Variants in FTO observed in about 807,000 individuals in gnomAD.
The protein encoded by FTO is alpha-ketoglutarate-dependent dioxygenase FTO.
FTO carries 47 observed loss-of-function variants against 63.9 expected under a neutral mutation model. That is an observed-to-expected ratio of 0.74 (90% CI 0.58 to 0.94). FTO has a LOEUF of 0.94. Among genes scored for constraint, FTO ranks in the 40% least tolerant of loss-of-function variants. The pLI, the probability that FTO is intolerant of heterozygous loss-of-function variation, is 0.00. For synonymous variants in FTO, 207 were observed against 224.4 expected (o/e 0.92, Z 0.69); for missense variants, 562 against 618.1 (o/e 0.91, Z 0.96).
intron 8 of FTO, among the ~76,000 whole-genome samples, chr16:54,099,788 C>T (rs1414778719): frequency 6.6e-6 from 1 of 152,168 alleles, no homozygotes; most frequent in African/African-American, 2.4e-5. Flanking sequence ...AGGGGGAGGA[C>T]TTCAGGAGAC....
At chr16:53,829,947 C>T (rs1203252931) in intron 3 of FTO, among the ~76,000 whole-genome samples, 1 of 151,446 alleles carries the variant, frequency 6.6e-6, no homozygotes, top group Non-Finnish European at 1.5e-5. Context: ...TGTTCCTTGC[C>T]ACTGGAGAGG....
Position 53,742,317 on chromosome 16 carries a change from G to A in FTO, c.45+38088G>A, listed in dbSNP as rs945299111. Among the ~76,000 whole-genome samples the A allele has an allele frequency of 2.0e-5, 3 of 152,126 alleles. No individual in the cohort carries two copies. The East Asian group carries it at 5.8e-4, about 29-fold the overall frequency. On this transcript the variant is annotated intron_variant, in intron 1 of 8. Coordinates refer to ENST00000471389, the MANE Select transcript of FTO (RefSeq NM_001080432.3). ...ACCAGCCCTTCCAGTTTTTCAATTA[G>A]AACTATGCCATATGGCCACCCCTAG...
intron 2 of FTO, among the ~76,000 whole-genome samples, chr16:53,824,845 A>G (rs138126295): frequency 1.3e-5 from 2 of 152,356 alleles, no homozygotes; most frequent in East Asian, 3.9e-4. Context: ...TGATTTGGTT[A>G]CAAATAAATC....
At chr16:53,866,195 A>G (rs75080727) in intron 4 of FTO, among the ~76,000 whole-genome samples, 2,111 of 152,180 alleles carry the variant, frequency 0.014, 47 homozygotes, top group African/African-American at 0.047. Context: ...GATAGATTAT[A>G]TTAGTTGATT....
At chr16:53,785,783 G>T (rs921942507) in intron 1 of FTO, among the ~76,000 whole-genome samples, 1 of 151,946 alleles carries the variant, frequency 6.6e-6, no homozygotes, top group East Asian at 1.9e-4. Flanking sequence ...GGTGACATGC[G>T]CCTGTAGTCC....
intron 2 of FTO, among the ~76,000 whole-genome samples, chr16:53,817,698 A>G (rs2078735811): frequency 6.6e-6 from 1 of 152,190 alleles, no homozygotes; most frequent in African/African-American, 2.4e-5. Context: ...GAAATCTTTC[A>G]GAAGCATCTC....
intron 7 of FTO, among the ~76,000 whole-genome samples, chr16:53,908,076 C>T (rs1220396716): frequency 2.0e-5 from 3 of 152,148 alleles, no homozygotes; most frequent in Non-Finnish European, 4.4e-5. Flanking sequence ...TATTAACCAT[C>T]CCTTGACAAA....
intron 8 of FTO, among the ~76,000 whole-genome samples, chr16:53,952,508 AT>A (rs1490749851): frequency 1.3e-5 from 2 of 152,188 alleles, no homozygotes; most frequent in Non-Finnish European, 2.9e-5. Context: ...AGCAAAAAAA[AT>A]CTTTGGCAAC....
chr16:53,704,726 G>T (rs1376522726), intron 1 of FTO, among the ~76,000 whole-genome samples: 1 of 152,184 alleles, frequency 6.6e-6, no homozygotes, highest in African/African-American at 2.4e-5. Context: ...CTCTACCTTT[G>T]ATGTTCAGCT....
chr16:53,822,210 A>G (rs2078883741), intron 2 of FTO, among the ~76,000 whole-genome samples: 1 of 152,226 alleles, frequency 6.6e-6, no homozygotes, highest in African/African-American at 2.4e-5. Context: ...TCATTGAGAA[A>G]GTCAGAGCAT....
At chr16:53,944,316 G>A (rs1176240987) in intron 8 of FTO, among the ~76,000 whole-genome samples, 4 of 152,298 alleles carry the variant, frequency 2.6e-5, no homozygotes, top group Non-Finnish European at 5.9e-5. Context: ...CTCCTTAAGT[G>A]TTCTCATAAG....
At chr16:53,707,849 A>G (rs1177524543) in intron 1 of FTO, among the ~76,000 whole-genome samples, 1 of 152,236 alleles carries the variant, frequency 6.6e-6, no homozygotes, top group Non-Finnish European at 1.5e-5. Context: ...CCATTCCAGA[A>G]GAAACTTTGT....
At chr16:53,751,681 T>G (rs1161432629) in intron 1 of FTO, among the ~76,000 whole-genome samples, 1 of 152,114 alleles carries the variant, frequency 6.6e-6, no homozygotes, top group Non-Finnish European at 1.5e-5. Context: ...GTGCAGGGGT[T>G]TCTTTTTGGA....
At chr16:53,953,890 A>G (rs1177406822) in intron 8 of FTO, among the ~76,000 whole-genome samples, 1 of 152,230 alleles carries the variant, frequency 6.6e-6, no homozygotes. Flanking sequence ...TTTGTGAAAC[A>G]ATGTGTGGTG....
At chr16:53,915,145 A>C (rs1388250984) in intron 7 of FTO, among the ~76,000 whole-genome samples, 1 of 152,140 alleles carries the variant, frequency 6.6e-6, no homozygotes, top group African/African-American at 2.4e-5. Flanking sequence ...TTGGGGGACC[A>C]TTTTGTTCCT....
At chr16:53,982,415 C>A (rs1311447533) in intron 8 of FTO, among the ~76,000 whole-genome samples, 1 of 152,064 alleles carries the variant, frequency 6.6e-6, no homozygotes, top group African/African-American at 2.4e-5. Context: ...TTCACAGAAC[C>A]AATGAACTGA....
intron 3 of FTO, among the ~76,000 whole-genome samples, chr16:53,841,826 G>A (rs568120024): frequency 6.6e-6 from 1 of 152,082 alleles, no homozygotes; most frequent in Non-Finnish European, 1.5e-5. Context: ...GCATCTTTTT[G>A]TCTTCCTGCA....
At chr16:53,903,167 C>T (rs1461439660) in intron 7 of FTO, among the ~76,000 whole-genome samples, 1 of 151,992 alleles carries the variant, frequency 6.6e-6, no homozygotes, top group African/African-American at 2.4e-5. Flanking sequence ...AAGTGTGTTT[C>T]TGTCCCCTCA....
At position 53,769,485 on chromosome 16, in the gene FTO, T is replaced by G. The variant is rs1341033086; in HGVS notation, c.46-40655T>G. ...TGAAGATCAAATAAGTTAATTCATG[T>G]AAAATATTTAGAGCAGAACTTAGTA... On this transcript the variant is annotated intron_variant, in intron 1 of 8. Coordinates refer to ENST00000471389, the MANE Select transcript of FTO (RefSeq NM_001080432.3). Among the ~76,000 whole-genome samples, 6 of 152,166 alleles carry G rather than the reference T, an allele frequency of 3.9e-5. No homozygotes were observed. In the East Asian group the frequency reaches 1.2e-3, roughly 29 times the overall value.
Sources: allele counts gnomAD v4.1 joint callset (sites outside exome capture counted in the v4.1 genomes callset), GRCh38; gene constraint gnomAD v4.1.1; transcripts MANE v1.5; gene names NCBI Gene and HGNC (gene_info 2026-07-23, HGNC 2026-07-21).